The following ROBO2 variants were observed in gnomAD, a reference collection of about 807,000 sequenced individuals.
ROBO2 encodes roundabout homolog 2.
ROBO2 carries 53 observed loss-of-function variants against 160.8 expected under a neutral mutation model. The ratio of observed to expected loss-of-function variants is 0.33; its 90% confidence interval spans 0.26 to 0.41. ROBO2 has a LOEUF of 0.41. Ranked by LOEUF, ROBO2 falls within the 10% of genes least tolerant of loss-of-function variation. The pLI, the probability that ROBO2 is intolerant of heterozygous loss-of-function variation, is 1.00. For missense variants in ROBO2, 1,577 were observed against 1,722.4 expected (o/e 0.92, Z 1.49); for synonymous variants, 664 against 611.7 (o/e 1.09, Z -1.26).
intron 2 of ROBO2, among the ~76,000 whole-genome samples, chr3:76,589,830 C>A (rs552216216): frequency 1.2e-3 from 188 of 152,212 alleles, no homozygotes; most frequent in African/African-American, 4.0e-3. Flanking sequence ...AAAATTGAAT[C>A]ATATGATTTA....
At chr3:76,054,810 G>A (rs1350475180) in intron 2 of ROBO2, among the ~76,000 whole-genome samples, 1 of 152,208 alleles carries the variant, frequency 6.6e-6, no homozygotes, top group Non-Finnish European at 1.5e-5. Flanking sequence ...TTTTCTAGCT[G>A]TCCTCTTGGT....
chr3:76,485,997 A>C (rs76162847), intron 2 of ROBO2, among the ~76,000 whole-genome samples: 2,419 of 152,262 alleles, frequency 0.016, 75 homozygotes, highest in African/African-American at 0.055. Context: ...TTTGGTTTGC[A>C]CCTCAGTTCA....
intron 2 of ROBO2, among the ~76,000 whole-genome samples, chr3:76,303,927 A>G (rs995557369): frequency 6.6e-6 from 1 of 152,182 alleles, no homozygotes; most frequent in African/African-American, 2.4e-5. Flanking sequence ...AAATTATCAG[A>G]GGAATTCAGA....
intron 2 of ROBO2, among the ~76,000 whole-genome samples, chr3:76,670,843 T>C (rs2092236994): frequency 6.6e-6 from 1 of 151,968 alleles, no homozygotes. Flanking sequence ...TTTATTATTG[T>C]TATTTTCATG....
upstream of ROBO2, among the ~76,000 whole-genome samples, chr3:77,037,298 A>T (rs191454381): frequency 2.0e-5 from 3 of 152,312 alleles, no homozygotes; most frequent in African/African-American, 7.2e-5. Flanking sequence ...AAAGCAGAAA[A>T]CATGGATTCC....
intron 2 of ROBO2, among the ~76,000 whole-genome samples, chr3:76,570,624 G>A (rs1251118705): frequency 6.6e-6 from 1 of 152,066 alleles, no homozygotes; most frequent in Admixed American, 6.5e-5. Flanking sequence ...TCATCTATTT[G>A]CTAAGCTTTT....
chr3:77,442,766 G>A (rs2080086611), intron 2 of ROBO2, among the ~76,000 whole-genome samples: 1 of 152,148 alleles, frequency 6.6e-6, no homozygotes, highest in Admixed American at 6.5e-5. Context: ...AATTTGAAAC[G>A]CTAAATCAGA....
chr3:77,061,610 G>T (rs1300703577), intron 1 of ROBO2, among the ~76,000 whole-genome samples: 2 of 152,118 alleles, frequency 1.3e-5, no homozygotes, highest in East Asian at 1.9e-4. Context: ...AAACAATTCA[G>T]GAATGGCTTT....
intron 2 of ROBO2, among the ~76,000 whole-genome samples, chr3:76,612,628 G>A (rs867778932): frequency 2.6e-5 from 4 of 152,094 alleles, no homozygotes; most frequent in Non-Finnish European, 5.9e-5. Context: ...TGGGTTGATA[G>A]GTGCAGCAAA....
intron 2 of ROBO2, among the ~76,000 whole-genome samples, chr3:76,438,852 C>T (rs552827817): frequency 5.5e-4 from 84 of 151,636 alleles, no homozygotes; most frequent in South Asian, 1.9e-3. Context: ...CTAAAACATA[C>T]GAGATTTTGA....
intron 2 of ROBO2, among the ~76,000 whole-genome samples, chr3:76,685,192 GTTTTTT>G (rs57691150): frequency 7.8e-6 from 1 of 128,352 alleles, no homozygotes; most frequent in Admixed American, 7.7e-5. Context: ...GGTTGGTTGT[GTTTTTT>G]TTTTTTTTTT....
Position 76,949,725 on chromosome 3 carries a change from C to T in ROBO2, c.110-148289C>T, listed in dbSNP as rs1007173347. 2.0e-5 allele frequency among the ~76,000 whole-genome samples: 3 copies of T among 152,260 alleles called. No individual in the cohort carries two copies. In the South Asian group the frequency reaches 6.2e-4, roughly 32 times the overall value. ...TGGTATTTAAGATCTGCCCCTTGCT[C>T]CCAAGATGTTTGTTAAAACAGGACA... On this transcript the variant is annotated intron_variant, in intron 2 of 26. Coordinates refer to the ROBO2 transcript ENST00000487694.
chr3:76,917,169 T>C (rs945271951), intron 2 of ROBO2, among the ~76,000 whole-genome samples: 1 of 152,180 alleles, frequency 6.6e-6, no homozygotes, highest in Non-Finnish European at 1.5e-5. Context: ...CAATAATGAT[T>C]CTACTTCATT....
chr3:76,778,955 G>A (rs938282991), intron 2 of ROBO2, among the ~76,000 whole-genome samples: 1 of 151,016 alleles, frequency 6.6e-6, no homozygotes, highest in Non-Finnish European at 1.5e-5. Context: ...CACACAATCA[G>A]CAACATCACA....
chr3:76,710,134 T>TG (rs1036595888), intron 2 of ROBO2, among the ~76,000 whole-genome samples: 4 of 151,718 alleles, frequency 2.6e-5, no homozygotes, highest in African/African-American at 7.3e-5. Context: ...TTCTTTTTTT[T>TG]TTTGAGATAG....
At chr3:77,250,559 T>C (rs1580373031) in intron 2 of ROBO2, among the ~76,000 whole-genome samples, 1 of 152,206 alleles carries the variant, frequency 6.6e-6, no homozygotes, top group Non-Finnish European at 1.5e-5. Context: ...ACACGGTCTT[T>C]TTTTCCCCGG....
intron 2 of ROBO2, among the ~76,000 whole-genome samples, chr3:76,264,829 T>C (rs1427050427): frequency 6.6e-6 from 1 of 152,096 alleles, no homozygotes; most frequent in Non-Finnish European, 1.5e-5. Context: ...GCTTTTACTT[T>C]ACATGAGAAC....
At chr3:76,087,021 C>G (rs964904096) in intron 2 of ROBO2, among the ~76,000 whole-genome samples, 4 of 151,640 alleles carry the variant, frequency 2.6e-5, no homozygotes, top group Non-Finnish European at 5.9e-5. Flanking sequence ...TAAATCAGAA[C>G]ATAATATCCA....
At chr3:77,076,832 T>C (rs1387893253) in intron 1 of ROBO2, among the ~76,000 whole-genome samples, 1 of 152,146 alleles carries the variant, frequency 6.6e-6, no homozygotes, top group Non-Finnish European at 1.5e-5. Flanking sequence ...TAAGTCAAAA[T>C]TATAGGTTTT....
Sources: gnomAD v4.1 joint callset for allele counts (sites outside exome capture counted in the v4.1 genomes callset) on GRCh38, gnomAD v4.1.1 for gene constraint, MANE v1.5 for transcripts, NCBI Gene and HGNC (gene_info 2026-07-23, HGNC 2026-07-21) for gene names.